The following TEC variants were observed in gnomAD, a reference collection of about 807,000 sequenced individuals.
The protein encoded by TEC is tec protein tyrosine kinase.
Under a neutral mutation model 93.0 loss-of-function variants are expected in TEC, and 72 were observed. The observed-to-expected ratio is 0.77, with a 90% CI of 0.64 to 0.94. The LOEUF (loss-of-function observed/expected upper bound fraction) is 0.94. Ranked by LOEUF, TEC falls within the 40% of genes least tolerant of loss-of-function variation. The probability of loss-of-function intolerance (pLI) is 0.00; values close to 1 mark genes in which losing one functional copy is unlikely to be tolerated. For synonymous variants in TEC, 249 were observed against 247.7 expected (o/e 1.01, Z -0.05); for missense variants, 630 against 757.9 (o/e 0.83, Z 1.98).
chr4:48,144,526 T>C (rs372234926), intron 14 of TEC, among the ~76,000 whole-genome samples: 2 of 152,096 alleles, frequency 1.3e-5, no homozygotes, highest in Admixed American at 1.3e-4. Flanking sequence ...AAGGGAAAAA[T>C]TGTCTCCATC....
rs542266179 is a variant in TEC at position 48,137,179 on chromosome 4, A to G, written c.*237T>C. On this transcript the variant is annotated 3_prime_UTR_variant, in exon 18 of 18. Transcript: ENST00000381501. Reference sequence around the variant, plus strand: ...TAAACAACTGTCACTCAAGTGCCTGAGGAATGAATAGAAATGAGTGATTTT... The same window carrying G: ...TAAACAACTGTCACTCAAGTGCCTGGGGAATGAATAGAAATGAGTGATTTT... 124 of 516,106 alleles carry G rather than the reference A, an allele frequency of 2.4e-4. No homozygotes were observed. Among genetic ancestry groups the G allele is most frequent in the Admixed American group, 7.2e-5 (2 of 27,832 alleles). The allele number at this position is 516,106 out of a possible 1,614,324, so 32.0% of individuals were successfully genotyped here. A position where few individuals can be genotyped will look rare whatever the true frequency, so the allele number is the denominator to read the frequency against.
rs371971382 is a variant in TEC, at chr4:48,145,339, T to G, written c.1254-44A>C. On this transcript the variant is annotated intron_variant, in intron 13 of 17. Transcript: ENST00000381501. ...ATATAGTTACTATAGGAAAAGAAAC[T>G]ACCAAGTTTTTGGTAAGGGGCCACT... is the stretch of plus-strand genomic sequence containing the variant. The G allele has an allele frequency of 2.7e-5, 43 of 1,611,224 alleles. No individual in the cohort carries two copies. The African/African-American group carries it at 5.2e-4, about 20-fold the overall frequency.
chr4:48,185,640 T>C (rs1721789524), intron 2 of TEC, among the ~76,000 whole-genome samples: 1 of 152,184 alleles, frequency 6.6e-6, no homozygotes, highest in Non-Finnish European at 1.5e-5. Flanking sequence ...AGAAACATAT[T>C]AAGAAACCAG....
chr4:48,159,108 G>C (rs944180062), intron 8 of TEC, among the ~76,000 whole-genome samples: 2 of 151,166 alleles, frequency 1.3e-5, no homozygotes, highest in African/African-American at 2.4e-5. Context: ...GACAACAAAG[G>C]CTCCCCTGAA....
In TEC at chr4:48,248,707, T is replaced by C. The variant is rs187033929; in HGVS notation, c.-45-20048A>G. Among the ~76,000 whole-genome samples, 65 of 152,298 alleles carry C rather than the reference T, an allele frequency of 4.3e-4. No individual in the cohort carries two copies. In the East Asian group the frequency reaches 8.9e-3, roughly 21 times the overall value. On this transcript the variant is annotated intron_variant, in intron 1 of 17. Transcript: ENST00000381501. ...AATCACATTGAGCACTGTGAGATGC[T>C]CATGGATATCCTCTGCAGACTCAGG... is the stretch of plus-strand genomic sequence containing the variant.
rs114896567 is a variant in TEC, at chr4:48,222,740, C to T, written c.138+5737G>A. ...TCTCCTGTCCTCAAACTGGGATTCA[C>T]ATCACTGGCTGTCATGGTTCGCAGG... On this transcript the variant is annotated intron_variant, in intron 2 of 17. Coordinates refer to ENST00000381501, the MANE Select transcript of TEC (RefSeq NM_003215.3). Among the ~76,000 whole-genome samples, 497 of 152,260 alleles carry T rather than the reference C, an allele frequency of 3.3e-3. 2 individuals carry two copies. The highest frequency in any genetic ancestry group is 0.02 in the Middle Eastern group (6 of 294).
intron 2 of TEC, among the ~76,000 whole-genome samples, chr4:48,177,590 T>C (rs1181652093): frequency 2.0e-5 from 3 of 152,178 alleles, no homozygotes; most frequent in Non-Finnish European, 4.4e-5. Flanking sequence ...ACTAAAGGAC[T>C]GGCTGCCATC....
chr4:48,145,894 A>G (rs1431454522), intron 12 of TEC, among the ~76,000 whole-genome samples: 1 of 151,866 alleles, frequency 6.6e-6, no homozygotes, highest in African/African-American at 2.4e-5. Flanking sequence ...CTTCCTTCTC[A>G]GGTTTTTTTT....
intron 2 of TEC, among the ~76,000 whole-genome samples, chr4:48,202,940 T>C (rs1460797096): frequency 2.6e-5 from 4 of 152,200 alleles, no homozygotes; most frequent in Non-Finnish European, 5.9e-5. Context: ...AAAATAACTA[T>C]GCAAAGCTGC....
chr4:48,195,226 C>T (rs529618927), intron 2 of TEC, among the ~76,000 whole-genome samples: 4 of 152,202 alleles, frequency 2.6e-5, no homozygotes, highest in Admixed American at 2.6e-4. Flanking sequence ...AATGGGTACA[C>T]GGGGTTCACT....
At chr4:48,228,755 G>C (rs1723561712) in intron 1 of TEC, 96 bp from the exon 2 acceptor site, 1 of 1,068,422 alleles carries the variant, frequency 9.4e-7, no homozygotes, top group Non-Finnish European at 1.3e-6. Context: ...CCTCACCCCT[G>C]CTGGAGCAGA....
intron 1 of TEC, among the ~76,000 whole-genome samples, chr4:48,268,676 G>T (rs1347425730): frequency 4.6e-5 from 7 of 152,166 alleles, no homozygotes; most frequent in Admixed American, 3.9e-4. Context: ...TTTCTTCCCA[G>T]CTCTTTAGCA....
At chr4:48,267,583 C>T (rs368723630) in intron 1 of TEC, among the ~76,000 whole-genome samples, 3 of 152,172 alleles carry the variant, frequency 2.0e-5, no homozygotes, top group Non-Finnish European at 2.9e-5. Flanking sequence ...AATTTATGAT[C>T]GTAATTAGTC....
intron 15 of TEC, among the ~76,000 whole-genome samples, chr4:48,140,077 A>G (rs1719597464): frequency 6.6e-6 from 1 of 152,266 alleles, no homozygotes; most frequent in Non-Finnish European, 1.5e-5. Context: ...TCTGTATATA[A>G]AAGCAAATAA....
At chr4:48,186,005 G>C (rs979997133) in intron 2 of TEC, among the ~76,000 whole-genome samples, 26 of 152,300 alleles carry the variant, frequency 1.7e-4, no homozygotes, top group Middle Eastern at 3.4e-3. Context: ...TTGCAGGCGC[G>C]CGCCGCCACA....
chr4:48,149,897 G>A (rs1007960805), intron 10 of TEC, among the ~76,000 whole-genome samples: 1 of 152,122 alleles, frequency 6.6e-6, no homozygotes, highest in African/African-American at 2.4e-5. Flanking sequence ...AACATACTTG[G>A]CCCTTTGCAT....
chr4:48,201,271 G>A (rs1019352903), intron 2 of TEC, among the ~76,000 whole-genome samples: 1 of 152,156 alleles, frequency 6.6e-6, no homozygotes, highest in Non-Finnish European at 1.5e-5. Context: ...AGGGGTGGGG[G>A]ACATCTTGAG....
At chr4:48,153,239 C>G (rs1720250985) in intron 9 of TEC, among the ~76,000 whole-genome samples, 1 of 150,224 alleles carries the variant, frequency 6.7e-6, no homozygotes, top group African/African-American at 2.4e-5. Flanking sequence ...AAAAGAAATA[C>G]TTAAGTACTA....
chr4:48,176,226 A>T (rs1207391324), intron 2 of TEC, 40 bp from the exon 3 acceptor site: 2 of 1,491,944 alleles, frequency 1.3e-6, no homozygotes, highest in South Asian at 1.2e-5. Flanking sequence ...GAATCATAAG[A>T]CATAAAAAAA....
Sources: allele counts gnomAD v4.1 joint callset (sites outside exome capture counted in the v4.1 genomes callset), GRCh38; gene constraint gnomAD v4.1.1; transcripts MANE v1.5; gene names NCBI Gene and HGNC (gene_info 2026-07-23, HGNC 2026-07-21).